ADAMTS9: variants seen among roughly 807,000 people sequenced by gnomAD.
ADAMTS9 encodes A disintegrin and metalloproteinase with thrombospondin motifs 9.
Under a neutral mutation model 257.1 loss-of-function variants are expected in ADAMTS9, and 107 were observed. That is an observed-to-expected ratio of 0.42 (90% CI 0.36 to 0.49). ADAMTS9 has a LOEUF of 0.49. Ranked by LOEUF, ADAMTS9 falls within the 20% of genes least tolerant of loss-of-function variation. The probability of loss-of-function intolerance (pLI) is 0.03; values close to 1 mark genes in which losing one functional copy is unlikely to be tolerated. For missense variants in ADAMTS9, 2,353 were observed against 2,469.1 expected (o/e 0.95, Z 1.00); for synonymous variants, 982 against 880.9 (o/e 1.11, Z -2.03).
In ADAMTS9 at chr3:64,686,940, G is replaced by C; in HGVS notation, c.144C>G (p.Tyr48Ter). The C allele has an allele frequency of 6.2e-7, 1 of 1,614,172 alleles. No homozygotes were observed. Residue 48 changes from tyrosine to a stop codon, truncating the protein, a stop_gained, in exon 2 of 40, where the codon TAC becomes TAG. Coordinates refer to ENST00000498707, the MANE Select transcript of ADAMTS9 (RefSeq NM_182920.2). LOFTEE classifies it high-confidence loss of function. The surrounding 1 kb of genome is among the most constrained non-coding windows in gnomAD (Gnocchi z 4.6). ...TCACTCGGATGGGAGACACGATTTC[G>C]TATTCGCTCAGGGTCTCTAATAATT... is the stretch of plus-strand genomic sequence containing the variant. ...QVKLLETLSE[Y>*]EIVSPIRVNA...
chr3:64,658,343 A>T (rs1354212777), intron 4 of ADAMTS9, among the ~76,000 whole-genome samples, 159 bp downstream of exon 4: 1 of 152,244 alleles, frequency 6.6e-6, no homozygotes, highest in Non-Finnish European at 1.5e-5. Context: ...TTGTCAGTTT[A>T]AAAAGGCAAC....
In ADAMTS9 at chr3:64,596,997, C is replaced by T. The variant is rs2084380217; in HGVS notation, c.4018-6G>A. ...CCAGCACAGGTACTGGAACACTAAA[C>T]ACATCAGTCGACAAGTTAATCCCCA... is the stretch of plus-strand genomic sequence containing the variant. On this transcript the variant is annotated splice_polypyrimidine_tract_variant and splice_region_variant and intron_variant, in intron 26 of 39. Transcript: ENST00000498707. 6.2e-7 allele frequency: 1 copy of T among 1,610,384 alleles called. No individual in the cohort carries two copies. Among genetic ancestry groups the T allele is most frequent in the African/African-American group, 1.3e-5 (1 of 74,860 alleles).
At position 64,596,869 on chromosome 3, in the gene ADAMTS9, G is replaced by A. The variant is rs1339140729; in HGVS notation, c.4140C>T (p.Ser1380=). The change falls in exon 27 of 40, where the codon TCC becomes TCT. Residue 1380 remains serine, a synonymous_variant. Coordinates refer to ENST00000498707, the MANE Select transcript of ADAMTS9 (RefSeq NM_182920.2). ...CATAAGCCCACTGAGGACAAGGGCC[G>A]GATTCACAGGCTCTTTGCTCATCAG... ...IKPDEQRACE[S]GPCPQWAYGN... is the part of the protein sequence containing the mutation. 1.8e-5 allele frequency: 29 copies of A among 1,613,870 alleles called. No individual in the cohort carries two copies. The highest frequency in any genetic ancestry group is 1.6e-4 in the Middle Eastern group (1 of 6,082).
chr3:64,540,538 G>A (rs1357261759), intron 36 of ADAMTS9, among the ~76,000 whole-genome samples: 11 of 152,146 alleles, frequency 7.2e-5, no homozygotes, highest in Admixed American at 7.2e-4. Flanking sequence ...TTACGTCTGT[G>A]TAAGCATGTA....
rs999857335 is a variant in ADAMTS9 at position 64,687,502 on chromosome 3, C to T, written c.115+41G>A. ...CCCAGGAGCGAGGACCGGGAGGCGG[C>T]GTCGGGGCCGGCGGGGTCCCGGGGG... is the stretch of plus-strand genomic sequence containing the variant. On this transcript the variant is annotated intron_variant, in intron 1 of 39. Transcript: ENST00000498707. The surrounding 1 kb of genome is among the most constrained non-coding windows in gnomAD (Gnocchi z 4.4). The T allele has an allele frequency of 1.4e-6, 2 of 1,460,674 alleles. No individual in the cohort carries two copies. Among genetic ancestry groups the T allele is most frequent in the South Asian group, 1.3e-5 (1 of 74,814 alleles). The allele number at this position is 1,460,674 out of a possible 1,614,324, so 90.5% of individuals were successfully genotyped here. A position where few individuals can be genotyped will look rare whatever the true frequency, so the allele number is the denominator to read the frequency against.
chr3:64,520,864 T>C (rs1228585811), intron 39 of ADAMTS9, among the ~76,000 whole-genome samples: 2 of 151,982 alleles, frequency 1.3e-5, no homozygotes, highest in Admixed American at 6.6e-5. Context: ...ACCCAGGAAA[T>C]ACTCTTCTGA....
chr3:64,599,309 A>G (rs2084417490), intron 26 of ADAMTS9, among the ~76,000 whole-genome samples: 1 of 152,234 alleles, frequency 6.6e-6, no homozygotes, highest in East Asian at 1.9e-4. Flanking sequence ...TTTTGTTAAC[A>G]AAGTCCCTGT....
At chr3:64,663,872 C>T (rs767732625) in intron 3 of ADAMTS9, among the ~76,000 whole-genome samples, 8 of 152,082 alleles carry the variant, frequency 5.3e-5, no homozygotes, top group Non-Finnish European at 1.2e-4. Flanking sequence ...CCTAACTGGT[C>T]CAACTAATTT....
In ADAMTS9 at chr3:64,654,716, G is replaced by C. The variant is rs974084359; in HGVS notation, c.1170-104C>G. ...GGCATTCACAACAGTACACACTTTG[G>C]GGTGGGGGTTAAAAAAAGCAAATTC... On this transcript the variant is annotated intron_variant, in intron 6 of 39. Coordinates refer to ENST00000498707, the MANE Select transcript of ADAMTS9 (RefSeq NM_182920.2). 8 of 1,308,614 alleles carry C rather than the reference G, an allele frequency of 6.1e-6. No individual in the cohort carries two copies. In the African/African-American group the frequency reaches 1.0e-4, roughly 17 times the overall value. 81.1% of individuals were successfully genotyped at this position (1,308,614 alleles called of 1,614,324 possible).
intron 28 of ADAMTS9, among the ~76,000 whole-genome samples, chr3:64,570,818 T>C (rs1269240329): frequency 6.6e-6 from 1 of 151,320 alleles, no homozygotes; most frequent in African/African-American, 2.4e-5. Context: ...GTTTGGGCAA[T>C]TGGGTAGATA....
In ADAMTS9 at chr3:64,516,911, A is replaced by G. The variant is rs1443611681; in HGVS notation, c.*216T>C. The G allele has an allele frequency of 6.6e-6, 1 of 152,614 alleles. No homozygotes were observed. The highest frequency in any genetic ancestry group is 1.5e-5 in the Non-Finnish European group (1 of 68,054). The allele number at this position is 152,614 out of a possible 1,614,324, so 9.5% of individuals were successfully genotyped here. A position where few individuals can be genotyped will look rare whatever the true frequency, so the allele number is the denominator to read the frequency against. ...TTCAAACATAAATATTAAACTTTAC[A>G]TCATTAGGATAGTCTACATATCTAC... On this transcript the variant is annotated 3_prime_UTR_variant, in exon 40 of 40. Transcript: ENST00000498707.
At chr3:64,542,858 T>C (rs976788616) in intron 32 of ADAMTS9, among the ~76,000 whole-genome samples, 4 of 151,992 alleles carry the variant, frequency 2.6e-5, no homozygotes, top group South Asian at 2.1e-4. Flanking sequence ...ACAAAATTGA[T>C]AGACCACTAG....
intron 36 of ADAMTS9, 102 bp downstream of exon 36, chr3:64,540,985 ATGTGCAAT>A: frequency 1.4e-6 from 2 of 1,403,188 alleles, no homozygotes; most frequent in South Asian, 2.7e-5. Flanking sequence ...CCAATGTGCA[ATGTGCAAT>A]GTGCAATACG....
intron 28 of ADAMTS9, chr3:64,589,044 A>G (rs946893036): frequency 1.3e-5 from 2 of 152,200 alleles, no homozygotes; most frequent in Admixed American, 6.6e-5. Context: ...ACATGTCTTC[A>G]TTGTAGTAAA....
At chr3:64,554,874 G>C (rs769605466) in intron 30 of ADAMTS9, among the ~76,000 whole-genome samples, 2 of 152,232 alleles carry the variant, frequency 1.3e-5, no homozygotes, top group Non-Finnish European at 2.9e-5. Flanking sequence ...TATTCAGCCA[G>C]GTAGGTTGGC....
Position 64,616,039 on chromosome 3 carries a change from C to T in ADAMTS9, c.2945G>A (p.Ser982Asn), listed in dbSNP as rs768988609. ...TTCACGGTTGCTTGGTTTGGGATGG[C>T]TGCTGCAAAAACCATCATCAACCTT... Reference protein sequence around the residue: ...TEKVDDGFCSSHPKPSNREKC... With the variant: ...TEKVDDGFCSNHPKPSNREKC... Residue 982 changes from serine to asparagine, a missense_variant, in exon 20 of 40, where the codon AGC (serine) becomes AAC (asparagine). This residue lies in a region of ADAMTS9 where 1,402 missense variants were observed against 1,441.4 expected (regional missense o/e 0.97). Transcript: ENST00000498707. The T allele has an allele frequency of 4.3e-6, 7 of 1,614,038 alleles. No individual in the cohort carries two copies. The highest frequency in any genetic ancestry group is 5.9e-6 in the Non-Finnish European group (7 of 1,179,982).
intron 23 of ADAMTS9, 124 bp from the exon 24 acceptor site, chr3:64,604,455 C>G: frequency 1.5e-6 from 1 of 651,264 alleles, no homozygotes; most frequent in Non-Finnish European, 2.5e-6. Flanking sequence ...CTGTGTGAAT[C>G]TGGGCAAGTC....
chr3:64,629,640 C>T (rs1700317628), intron 16 of ADAMTS9, among the ~76,000 whole-genome samples: 1 of 152,234 alleles, frequency 6.6e-6, no homozygotes, highest in Non-Finnish European at 1.5e-5. Flanking sequence ...ATCACTATAA[C>T]ACTATGGAGT....
chr3:64,530,458 G>A (rs1345444675), intron 38 of ADAMTS9, among the ~76,000 whole-genome samples: 2 of 148,860 alleles, frequency 1.3e-5, no homozygotes, highest in African/African-American at 2.5e-5. Context: ...TTCATGAGGA[G>A]TACTCGACAG....
Sources: allele counts gnomAD v4.1 joint callset (sites outside exome capture counted in the v4.1 genomes callset), GRCh38; gene constraint gnomAD v4.1.1; regional missense constraint gnomAD v4.1.1; non-coding constraint Gnocchi (gnomAD v3.1); transcripts MANE v1.5; gene names NCBI Gene and HGNC (gene_info 2026-07-23, HGNC 2026-07-21).